KCNK16: variants seen among roughly 807,000 people sequenced by gnomAD.
KCNK16 encodes the protein potassium channel subfamily K member 16.
Under a neutral mutation model 23.0 loss-of-function variants are expected in KCNK16, and 23 were observed. That is an observed-to-expected ratio of 1.00 (90% CI 0.72 to 1.41). KCNK16 has a LOEUF of 1.41. KCNK16 is among the 40% of genes most tolerant of loss of function. The pLI is 0.00. For missense variants in KCNK16, 327 were observed against 365.8 expected, an observed-to-expected ratio of 0.89 and a Z score of 0.87; for synonymous variants, 145 against 153.5, an observed-to-expected ratio of 0.94 and a Z score of 0.41.
chr6:39,320,224 TCA>T, intron 1 of KCNK16, among the ~76,000 whole-genome samples: 1 of 151,694 alleles, frequency 6.6e-6, no homozygotes, highest in African/African-American at 2.4e-5. Context: ...CTGCTTCTCC[TCA>T]CTTTGACGGG....
In KCNK16 at chr6:39,319,961, G is replaced by C. The variant is rs11755884; in HGVS notation, c.214-828C>G. ...CAACCTCCAGTCCCTGGGCCCAGCC[G>C]CCTTGGAGAATAGGCAGGGCTCTCT... On this transcript the variant is annotated intron_variant, in intron 1 of 4. Transcript: ENST00000437525. The surrounding 1 kb of genome is among the most constrained non-coding windows in gnomAD (Gnocchi z 4.2). Among the ~76,000 whole-genome samples, 3 of 152,072 alleles carry C rather than the reference G, an allele frequency of 2.0e-5. No individual in the cohort carries two copies. Among genetic ancestry groups the C allele is most frequent in the African/African-American group, 7.2e-5 (3 of 41,410 alleles).
chr6:39,319,138 A>AG lies in KCNK16; in HGVS notation c.214-6dup. 6.3e-7 allele frequency: 1 copy of AG among 1,588,356 alleles called. No homozygotes were observed. Among genetic ancestry groups the AG allele is most frequent in the South Asian group, 1.1e-5 (1 of 90,548 alleles). On this transcript the variant is annotated splice_polypyrimidine_tract_variant and splice_region_variant and intron_variant, in intron 1 of 4. Transcript: ENST00000437525. This position sits in a 1 kb window ranked among gnomAD's most constrained non-coding sequence, Gnocchi z 4.2. ...CACCCAGGCTTCCATGATGACCTGTAGGGGGTGGCATGGCAGGGGAGGAAG... is the reference window on the plus strand; with the variant it reads ...CACCCAGGCTTCCATGATGACCTGTAGGGGGGTGGCATGGCAGGGGAGGAAG...
chr6:39,315,570 C>A, downstream of KCNK16: 2 of 693,310 alleles, frequency 2.9e-6, no homozygotes, highest in Non-Finnish European at 4.7e-6. Flanking sequence ...TGCCCCTCGG[C>A]TGAGAGCTTC....
chr6:39,322,289 C>G, intron 1 of KCNK16, 39 bp downstream of exon 1: 1 of 1,593,686 alleles, frequency 6.3e-7, no homozygotes, highest in Non-Finnish European at 8.6e-7. Flanking sequence ...CCAACCTTCC[C>G]AAGCCTCTCC....
At chr6:39,322,877 G>A (rs3807045), upstream of KCNK16, 115,227 of 296,978 alleles carry the variant, frequency 0.39, 23,368 homozygotes, top group African/African-American at 0.48. Context: ...TTGGATAGAT[G>A]TTTCTGGGCT....
At position 39,316,798 on chromosome 6, in the gene KCNK16, A is replaced by G. The variant is rs9462527; in HGVS notation, c.645T>C (p.Phe215=). ...FAFITLSTIG[F]GDYVVGTDPS... is the part of the protein sequence containing the mutation. Reference sequence around the variant, plus strand: ...TGTTCTCACCAACAACATAGTCCCCAAAGCCAATGGTGCTGAGAGTGATGA... The same window carrying G: ...TGTTCTCACCAACAACATAGTCCCCGAAGCCAATGGTGCTGAGAGTGATGA... Residue 215 remains phenylalanine, a synonymous_variant, in exon 4 of 5, where the codon TTT becomes TTC. Transcript: ENST00000437525. The G allele has an allele frequency of 5.0e-3, 8,069 of 1,614,044 alleles. 172 individuals carry two copies. In the African/African-American group the frequency reaches 0.062, roughly 12 times the overall value.
rs1302968022 is a variant in KCNK16, at chr6:39,316,949, T to G, written c.496-2A>C. Reference sequence around the variant, plus strand: ...AGCCAGGCCCAGGACTTGCAGTACCTAGGAGGGAGGGAGTTGGCCTCTGAG... The same window carrying G: ...AGCCAGGCCCAGGACTTGCAGTACCGAGGAGGGAGGGAGTTGGCCTCTGAG... On this transcript the variant is annotated splice_acceptor_variant, in intron 3 of 4. Coordinates refer to ENST00000437525, the MANE Select transcript of KCNK16 (RefSeq NM_001135106.2). LOFTEE classifies it high-confidence loss of function. 6.8e-6 allele frequency: 11 copies of G among 1,608,674 alleles called. No individual in the cohort carries two copies. Among genetic ancestry groups the G allele is most frequent in the Non-Finnish European group, 9.3e-6 (11 of 1,178,042 alleles).
At chr6:39,317,035 T>G in intron 3 of KCNK16, 88 bp from the exon 4 acceptor site, 3 of 1,355,198 alleles carry the variant, frequency 2.2e-6, no homozygotes, top group Non-Finnish European at 3.0e-6. Flanking sequence ...AACATGGGAA[T>G]GGGACTGGGC....
At chr6:39,315,221 G>T (rs752664181), downstream of KCNK16, 5 of 1,613,672 alleles carry the variant, frequency 3.1e-6, no homozygotes, top group South Asian at 4.4e-5. Flanking sequence ...GGGATGGAGT[G>T]GTCTAAATCT....
downstream of KCNK16, chr6:39,314,939 C>T: frequency 6.8e-7 from 1 of 1,480,392 alleles, no homozygotes; most frequent in Non-Finnish European, 9.1e-7. Context: ...CTGAGAAGGC[C>T]CCCGAAATCC....
chr6:39,319,624 C>T lies in KCNK16; in HGVS notation c.214-491G>A, dbSNP rs568052045. On this transcript the variant is annotated intron_variant, in intron 1 of 4. Transcript: ENST00000437525. The surrounding 1 kb of genome is among the most constrained non-coding windows in gnomAD (Gnocchi z 4.2). ...ATGAAGCTAATGGTGGGAAAGAGAG[C>T]CCTGTGTTCCCTAAGTGTCCAGGCG... Among the ~76,000 whole-genome samples the T allele has an allele frequency of 1.3e-5, 2 of 152,220 alleles. No individual in the cohort carries two copies. The highest frequency in any genetic ancestry group is 3.9e-4 in the East Asian group (2 of 5,168).
intron 3 of KCNK16, among the ~76,000 whole-genome samples, chr6:39,317,379 G>A (rs1341108597): frequency 6.6e-6 from 1 of 152,242 alleles, no homozygotes; most frequent in Non-Finnish European, 1.5e-5. Context: ...TGACCTTGAA[G>A]ATGTGCTACA....
At chr6:39,320,537 C>A (rs1242191393) in intron 1 of KCNK16, among the ~76,000 whole-genome samples, 2 of 152,216 alleles carry the variant, frequency 1.3e-5, no homozygotes, top group African/African-American at 4.8e-5. Context: ...AGTTACTCAA[C>A]TCGCCCTGTG....
At chr6:39,321,891 A>T (rs539878566) in intron 1 of KCNK16, among the ~76,000 whole-genome samples, 1 of 152,326 alleles carries the variant, frequency 6.6e-6, no homozygotes, top group Non-Finnish European at 1.5e-5. Context: ...CAGGGATATG[A>T]GCTGGGAGAG....
Position 39,316,228 on chromosome 6 carries a change from G to A in KCNK16, c.876C>T (p.Ile292=), listed in dbSNP as rs1243241478. 1 of 1,545,676 alleles carries A rather than the reference G, an allele frequency of 6.5e-7. No individual in the cohort carries two copies. The highest frequency in any genetic ancestry group is 1.4e-5 in the African/African-American group (1 of 72,774). Residue 292 remains isoleucine, a synonymous_variant, in exon 5 of 5, where the codon ATC becomes ATT. Transcript: ENST00000437525. ...SGLPRPQKIP[I]SA is the part of the protein sequence containing the mutation. ...GCCCCCCCCGGGGGCCTCATGCAGAGATGGGGATCTTCTGAGGCCTGGGGA... is the reference window on the plus strand; with the variant it reads ...GCCCCCCCCGGGGGCCTCATGCAGAAATGGGGATCTTCTGAGGCCTGGGGA...
chr6:39,315,288 T>A, downstream of KCNK16: 2 of 1,570,526 alleles, frequency 1.3e-6, no homozygotes, highest in Non-Finnish European at 1.7e-6. Flanking sequence ...GGAGAATGCA[T>A]TCCTGAGAGA....
chr6:39,322,479 T>C lies in KCNK16; in HGVS notation c.62A>G (p.Tyr21Cys), dbSNP rs1341786211. 1 of 1,613,572 alleles carries C rather than the reference T, an allele frequency of 6.2e-7. No individual in the cohort carries two copies. Among genetic ancestry groups the C allele is most frequent in the African/African-American group, 1.3e-5 (1 of 74,940 alleles). The change falls in exon 1 of 5, where the codon TAT becomes TGT. Residue 21 changes from tyrosine (Y) to cysteine (C), a missense_variant. Transcript: ENST00000437525. ...GGRVLPLLLA[Y>C]VCYLLLGATI... is the part of the protein sequence containing the mutation. ...GGCACCGAGCAGCAGGTAGCAGACATAGGCCAGCAGCAGGGGCAGCACCCG... is the reference window on the plus strand; with the variant it reads ...GGCACCGAGCAGCAGGTAGCAGACACAGGCCAGCAGCAGGGGCAGCACCCG...
At chr6:39,321,915 G>A (rs1401511788) in intron 1 of KCNK16, among the ~76,000 whole-genome samples, 1 of 152,266 alleles carries the variant, frequency 6.6e-6, no homozygotes, top group East Asian at 1.9e-4. Context: ...AGAAGGAGCT[G>A]CAGCCCTGGA....
chr6:39,322,788 G>A, upstream of KCNK16: 1 of 532,318 alleles, frequency 1.9e-6, no homozygotes, highest in Non-Finnish European at 3.3e-6. Context: ...ATGGACAGCA[G>A]CAAGTCAGTG....
Sources: allele counts gnomAD v4.1 joint callset (sites outside exome capture counted in the v4.1 genomes callset), GRCh38; gene constraint gnomAD v4.1.1; non-coding constraint Gnocchi (gnomAD v3.1); transcripts MANE v1.5; gene names NCBI Gene and HGNC (gene_info 2026-07-23, HGNC 2026-07-21).